POLQ: variants seen among roughly 807,000 people sequenced by gnomAD.
The protein encoded by POLQ is epididymis secretory sperm binding protein.
Under a neutral mutation model 259.2 loss-of-function variants are expected in POLQ, and 233 were observed. The observed-to-expected ratio is 0.90, with a 90% confidence interval of 0.81 to 1.00. The LOEUF is 1.00. Among genes scored for constraint, POLQ ranks in the 50% least tolerant of loss-of-function variants. The pLI is 0.00. For missense variants in POLQ, 2,871 were observed against 3,051.6 expected, an observed-to-expected ratio of 0.94 and a Z score of 1.39; for synonymous variants, 1,025 against 1,048.8, an observed-to-expected ratio of 0.98 and a Z score of 0.44.
At position 121,489,926 on chromosome 3, in the gene POLQ, C is replaced by T. The variant is rs768212561; in HGVS notation, c.3005G>A (p.Gly1002Glu). The T allele has an allele frequency of 1.9e-6, 3 of 1,581,954 alleles. No homozygotes were observed. The highest frequency in any genetic ancestry group is 2.6e-6 in the Non-Finnish European group (3 of 1,171,388). Residue 1002 changes from glycine (G) to glutamate (E), a missense_variant, in exon 16 of 30, where the codon GGA becomes GAA. Transcript: ENST00000264233. ...TGTTTTCCCCTCATTCTGAGAGGCT[C>T]CTGGCTTCTCTTTATTTATATCTAA... ...ASLDINKEKP[G>E]ASQNEGKTSD...
rs779425189 is a variant in POLQ, at chr3:121,487,944, T to C, written c.4987A>G (p.Ile1663Val). ...LENEKLKSMT[I>V]NFSSLNRKNT... Reference sequence around the variant, plus strand: ...TTTCTATTCAAACTGGAAAAGTTTATAGTCATTGATTTTAGCTTTTCATTT... The same window carrying C: ...TTTCTATTCAAACTGGAAAAGTTTACAGTCATTGATTTTAGCTTTTCATTT... Residue 1663 changes from isoleucine to valine, a missense_variant, in exon 16 of 30, where the codon ATA (isoleucine) becomes GTA (valine). Around this residue, in one of 3 missense-constraint regions of POLQ, gnomAD observed 2,080 missense variants for 2,126.0 expected, o/e 0.98. Transcript: ENST00000264233. 1.9e-6 allele frequency: 3 copies of C among 1,604,234 alleles called. No homozygotes were observed. The highest frequency in any genetic ancestry group is 2.5e-6 in the Non-Finnish European group (3 of 1,177,110).
At chr3:121,482,635 C>T (rs2047980169) in intron 18 of POLQ, among the ~76,000 whole-genome samples, 1 of 152,006 alleles carries the variant, frequency 6.6e-6, no homozygotes, top group Admixed American at 6.6e-5. Flanking sequence ...CCAGAATCAT[C>T]CAATTATTCA....
intron 28 of POLQ, among the ~76,000 whole-genome samples, chr3:121,434,054 G>GC (rs977264170): frequency 6.6e-5 from 10 of 152,208 alleles, no homozygotes; most frequent in Admixed American, 1.3e-4. Context: ...AATCGGATCT[G>GC]CCCCATGAAG....
intron 25 of POLQ, among the ~76,000 whole-genome samples, chr3:121,456,617 T>C (rs796647390): frequency 1.5e-4 from 22 of 151,408 alleles, no homozygotes; most frequent in African/African-American, 3.2e-4. Context: ...AAATCATGAG[T>C]GAACTCCCAT....
At chr3:121,508,735 G>A (rs545826267) in intron 12 of POLQ, among the ~76,000 whole-genome samples, 2 of 152,230 alleles carry the variant, frequency 1.3e-5, no homozygotes, top group African/African-American at 2.4e-5. Context: ...ACTACATAGC[G>A]ATTTTTATTG....
At chr3:121,497,843 T>C (rs1272956298) in intron 13 of POLQ, among the ~76,000 whole-genome samples, 3 of 152,246 alleles carry the variant, frequency 2.0e-5, no homozygotes, top group Admixed American at 6.5e-5. Flanking sequence ...TTAAGTATGA[T>C]ATAAAGCATA....
In POLQ at chr3:121,488,470, A is replaced by G. The variant is rs961362861; in HGVS notation, c.4461T>C (p.Asp1487=). ...PVPETSLNMS[D]SLLFDSFSDD... is the part of the protein sequence containing the mutation. ...CACTGAAGCTATCAAATAGTAAACT[A>G]TCACTCATATTCAAACTTGTTTCAG... is the stretch of plus-strand genomic sequence containing the variant. Residue 1487 remains aspartate (D), a synonymous_variant, in exon 16 of 30, where the codon GAT becomes GAC. Transcript: ENST00000264233. The G allele has an allele frequency of 2.5e-6, 4 of 1,609,270 alleles. No homozygotes were observed. Among genetic ancestry groups the G allele is most frequent in the Non-Finnish European group, 2.5e-6 (3 of 1,178,114 alleles).
At chr3:121,518,193 G>C (rs887988362) in intron 9 of POLQ, among the ~76,000 whole-genome samples, 1 of 152,118 alleles carries the variant, frequency 6.6e-6, no homozygotes, top group African/African-American at 2.4e-5. Context: ...TTGAGCTCCA[G>C]CCAACAGCAT....
At chr3:121,454,487 C>T (rs1010432666) in intron 25 of POLQ, among the ~76,000 whole-genome samples, 5 of 152,124 alleles carry the variant, frequency 3.3e-5, no homozygotes, top group African/African-American at 1.2e-4. Context: ...TCAGGAGACC[C>T]ATCTCACGTG....
At chr3:121,463,178 T>C (rs2047806632) in intron 24 of POLQ, among the ~76,000 whole-genome samples, 2 of 152,298 alleles carry the variant, frequency 1.3e-5, no homozygotes, top group South Asian at 4.1e-4. Flanking sequence ...TGAAGATAAA[T>C]GAATCATGGG....
Position 121,481,709 on chromosome 3 carries a change from G to A in POLQ, c.6074C>T (p.Thr2025Ile). ...CCCCAGGCTTTGAATCCCTTGGCTG[G>A]TCTCCATCCCTTCTAGGAGTGGAAG... ...HELPLLEGME[T>I]SQGIQSLGLN... The change falls in exon 19 of 30, where the codon ACC becomes ATC. Residue 2025 changes from threonine to isoleucine, a missense_variant. Physicochemically the swap from Thr to Ile is moderately conservative, Grantham distance 89. This residue lies in a region of POLQ where 2,080 missense variants were observed against 2,126.0 expected (regional missense o/e 0.98). Transcript: ENST00000264233. 1 of 1,614,100 alleles carries A rather than the reference G, an allele frequency of 6.2e-7. No homozygotes were observed. The highest frequency in any genetic ancestry group is 8.5e-7 in the Non-Finnish European group (1 of 1,180,006).
intron 6 of POLQ, among the ~76,000 whole-genome samples, chr3:121,532,536 C>G (rs909900805): frequency 6.6e-6 from 1 of 152,088 alleles, no homozygotes; most frequent in Non-Finnish European, 1.5e-5. Flanking sequence ...GAGTCTTACT[C>G]TGTTGCCCAG....
rs2048089699 is a variant in POLQ, at chr3:121,493,613, A to C, written c.2387T>G (p.Leu796Arg). ...TFGIQRELCD[L>R]VRVSLLNAQR... ...AGCATTTAGTAAGGATACCCGAACC[A>C]GGTCACACAGCTCCCTCTGGATGCC... The change falls in exon 15 of 30, where the codon CTG becomes CGG. Residue 796 changes from leucine (L) to arginine (R), a missense_variant. Physicochemically the swap from Leu to Arg is moderately radical, Grantham distance 102. Transcript: ENST00000264233. The C allele has an allele frequency of 1.2e-6, 2 of 1,614,030 alleles. No individual in the cohort carries two copies. Among genetic ancestry groups the C allele is most frequent in the African/African-American group, 2.7e-5 (2 of 74,932 alleles).
At chr3:121,473,117 T>C (rs555379069) in intron 21 of POLQ, among the ~76,000 whole-genome samples, 1 of 152,312 alleles carries the variant, frequency 6.6e-6, no homozygotes, top group East Asian at 1.9e-4. Flanking sequence ...CTTTACACCA[T>C]TTTAATGATA....
chr3:121,476,899 T>C (rs1311489686), intron 19 of POLQ, among the ~76,000 whole-genome samples, 166 bp from the exon 20 acceptor site: 2 of 152,118 alleles, frequency 1.3e-5, no homozygotes, highest in African/African-American at 4.8e-5. Context: ...CAATGAAAGG[T>C]GGAAAAGTAC....
rs182561519 is a variant in POLQ, at chr3:121,443,461, G to A, written c.7265-3345C>T. ...CATTTTAAAATCAGATTTTTTTTCT[G>A]CAGAGTTATTTGAGCTCCTCATATA... On this transcript the variant is annotated intron_variant, in intron 26 of 29. Transcript: ENST00000264233. Among the ~76,000 whole-genome samples the A allele has an allele frequency of 3.8e-3, 571 of 151,590 alleles. 1 individual carries two copies. The highest frequency in any genetic ancestry group is 6.7e-3 in the Non-Finnish European group (453 of 67,950).
At chr3:121,444,019 G>A (rs1418067225) in intron 26 of POLQ, among the ~76,000 whole-genome samples, 1 of 151,804 alleles carries the variant, frequency 6.6e-6, no homozygotes, top group African/African-American at 2.4e-5. Context: ...CAGGTAATGT[G>A]ATTTCTCCAG....
At chr3:121,508,045 C>T (rs939875914) in intron 12 of POLQ, among the ~76,000 whole-genome samples, 1 of 130,656 alleles carries the variant, frequency 7.7e-6, no homozygotes, top group East Asian at 2.2e-4. Flanking sequence ...TGTTTGGTAG[C>T]GACAGATTCT....
chr3:121,513,644 G>A (rs2048272568), intron 9 of POLQ, among the ~76,000 whole-genome samples: 1 of 138,276 alleles, frequency 7.2e-6, no homozygotes, highest in East Asian at 2.2e-4. Flanking sequence ...CAAGATGTCA[G>A]CAAGATGGTG....
Sources: allele counts gnomAD v4.1 joint callset (sites outside exome capture counted in the v4.1 genomes callset), GRCh38; gene constraint gnomAD v4.1.1; regional missense constraint gnomAD v4.1.1; transcripts MANE v1.5; gene names NCBI Gene and HGNC (gene_info 2026-07-23, HGNC 2026-07-21).